The following MPP7 variants were observed in gnomAD, a reference collection of about 807,000 sequenced individuals.
MPP7 encodes the protein MAGUK p55 subfamily member 7.
Under a neutral mutation model 76.5 loss-of-function variants are expected in MPP7, and 60 were observed. The ratio of observed to expected loss-of-function variants is 0.78; its 90% CI spans 0.64 to 0.97. The LOEUF is 0.97. MPP7 is among the 50% of genes least tolerant of loss of function. The probability of loss-of-function intolerance (pLI) is 0.00; values close to 1 mark genes in which losing one functional copy is unlikely to be tolerated. For synonymous variants in MPP7, 237 were observed against 244.5 expected (o/e 0.97, Z 0.29); for missense variants, 641 against 694.0 (o/e 0.92, Z 0.86).
At chr10:28,069,903 C>G in intron 12 of MPP7, 51 bp from the exon 13 acceptor site, 1 of 1,377,136 alleles carries the variant, frequency 7.3e-7, no homozygotes. Context: ...ACCACATAAA[C>G]ATTTCTGTAA....
chr10:28,194,801 T>C (rs1336071677), intron 3 of MPP7, among the ~76,000 whole-genome samples: 1 of 152,186 alleles, frequency 6.6e-6, no homozygotes, highest in East Asian at 1.9e-4. Flanking sequence ...CAAGACATAA[T>C]GCATTTGTCA....
intron 1 of MPP7, among the ~76,000 whole-genome samples, chr10:28,262,193 A>ATATATATATACG (rs1384180099): frequency 1.0e-4 from 2 of 19,588 alleles, no homozygotes; most frequent in Non-Finnish European, 2.5e-4. Flanking sequence ...AATTATATAT[A>ATATATATATACG]TATATATATA....
At chr10:28,216,275 C>T (rs1838307179) in intron 2 of MPP7, among the ~76,000 whole-genome samples, 1 of 151,902 alleles carries the variant, frequency 6.6e-6, no homozygotes, top group Admixed American at 6.6e-5. Flanking sequence ...AAGGTGGTGC[C>T]ACTGCACTCC....
chr10:28,204,785 A>G (rs898434914), intron 2 of MPP7, among the ~76,000 whole-genome samples: 1 of 152,230 alleles, frequency 6.6e-6, no homozygotes, highest in African/African-American at 2.4e-5. Context: ...GTTGCTTAAC[A>G]TGTCTTCTTC....
intron 3 of MPP7, among the ~76,000 whole-genome samples, chr10:28,153,435 G>A (rs1032018362): frequency 4.6e-5 from 7 of 151,988 alleles, no homozygotes; most frequent in African/African-American, 1.7e-4. Context: ...CTAAAAGTCA[G>A]GACACGCTAA....
chr10:28,283,484 C>T (rs1840727205), intron 1 of MPP7, among the ~76,000 whole-genome samples: 1 of 151,980 alleles, frequency 6.6e-6, no homozygotes, highest in Non-Finnish European at 1.5e-5. Flanking sequence ...TCTGTAAACA[C>T]CAAGTTCATA....
At chr10:28,068,202 G>C (rs1331613898) in intron 13 of MPP7, among the ~76,000 whole-genome samples, 1 of 151,504 alleles carries the variant, frequency 6.6e-6, no homozygotes, top group African/African-American at 2.4e-5. Flanking sequence ...ATAATTACAG[G>C]CAAAAAAAAT....
Position 28,147,570 on chromosome 10 carries a change from C to T in MPP7, c.235-7G>A, listed in dbSNP as rs773688392. On this transcript the variant is annotated splice_region_variant and splice_polypyrimidine_tract_variant and intron_variant, in intron 4 of 16. Coordinates refer to ENST00000683449, the MANE Select transcript of MPP7 (RefSeq NM_001318170.2). ...TCTGAAGCTCTTCGGCCAGCTGCAA[C>T]GGAGATTACATTGACTTAAAGAACA... 24 of 1,613,212 alleles carry T rather than the reference C, an allele frequency of 1.5e-5. No homozygotes were observed. Among genetic ancestry groups the T allele is most frequent in the African/African-American group, 9.3e-5 (7 of 74,878 alleles).
intron 1 of MPP7, among the ~76,000 whole-genome samples, chr10:28,299,068 G>A (rs1841093981): frequency 6.6e-6 from 1 of 152,182 alleles, no homozygotes; most frequent in African/African-American, 2.4e-5. Flanking sequence ...TTAGCAATAA[G>A]GCTGTTTCAC....
Position 28,217,547 on chromosome 10 carries a change from G to GAAAAT in MPP7, c.38-15277_38-15276insATTTT, listed in dbSNP as rs1838354940. ...GTCTCAAAAAAAAAAAAAAAGAAAA[G>GAAAAT]AAAAGAAAAGAAAAGAAAAACTGCA... On this transcript the variant is annotated intron_variant, in intron 2 of 16. Transcript: ENST00000683449. 6.2e-5 allele frequency among the ~76,000 whole-genome samples: 9 copies of GAAAAT among 144,592 alleles called. No individual in the cohort carries two copies. The South Asian group carries it at 1.9e-3, about 31-fold the overall frequency. 94.9% of individuals were successfully genotyped at this position (144,592 alleles called of 152,430 possible). A position where few individuals can be genotyped will look rare whatever the true frequency, so the allele number is the denominator to read the frequency against.
intron 2 of MPP7, among the ~76,000 whole-genome samples, chr10:28,204,742 T>C (rs1435812295): frequency 6.6e-6 from 1 of 152,216 alleles, no homozygotes. Flanking sequence ...ATGGCAGCAT[T>C]TAGCCCTGTG....
intron 1 of MPP7, among the ~76,000 whole-genome samples, chr10:28,256,846 T>C (rs1329405526): frequency 2.0e-5 from 3 of 152,222 alleles, no homozygotes; most frequent in Non-Finnish European, 4.4e-5. Context: ...CATTAGACTA[T>C]AAATTCCTTA....
At chr10:28,188,111 CTAAAT>C (rs1837295089) in intron 3 of MPP7, among the ~76,000 whole-genome samples, 1 of 152,080 alleles carries the variant, frequency 6.6e-6, no homozygotes, top group South Asian at 2.1e-4. Flanking sequence ...AGAATTCAAC[CTAAAT>C]TCATGAGCAT....
chr10:28,181,829 T>C (rs2133909439), intron 3 of MPP7, among the ~76,000 whole-genome samples: 1 of 152,228 alleles, frequency 6.6e-6, no homozygotes, highest in African/African-American at 2.4e-5. Flanking sequence ...ATTAGATCAG[T>C]TCAAACAGTC....
At chr10:28,332,450 G>A (rs1040729765) in intron 1 of MPP7, among the ~76,000 whole-genome samples, 2 of 152,088 alleles carry the variant, frequency 1.3e-5, no homozygotes, top group African/African-American at 4.8e-5. Context: ...ACAGTTGGCA[G>A]TTTACACACA....
intron 2 of MPP7, among the ~76,000 whole-genome samples, chr10:28,311,237 T>C (rs1241172994): frequency 6.6e-6 from 1 of 152,222 alleles, no homozygotes; most frequent in African/African-American, 2.4e-5. Flanking sequence ...TGATTTTCCA[T>C]GTGGTTTGCA....
intron 1 of MPP7, among the ~76,000 whole-genome samples, chr10:28,255,316 G>A (rs906462085): frequency 3.3e-5 from 5 of 152,092 alleles, no homozygotes; most frequent in Non-Finnish European, 5.9e-5. Flanking sequence ...GTTTCACCAT[G>A]TTGGCTAGGC....
At chr10:28,228,755 C>T (rs553038207) in intron 2 of MPP7, among the ~76,000 whole-genome samples, 3 of 150,840 alleles carry the variant, frequency 2.0e-5, no homozygotes, top group African/African-American at 7.3e-5. Context: ...AGTGAGACTC[C>T]ATCTCAAAAA....
chr10:28,190,127 C>T (rs565220768), intron 3 of MPP7, among the ~76,000 whole-genome samples: 1 of 152,184 alleles, frequency 6.6e-6, no homozygotes, highest in South Asian at 2.1e-4. Context: ...GAAGACATAA[C>T]AATCCTAAAT....
Sources: gnomAD v4.1 joint callset for allele counts (sites outside exome capture counted in the v4.1 genomes callset) on GRCh38, gnomAD v4.1.1 for gene constraint, MANE v1.5 for transcripts, NCBI Gene and HGNC (gene_info 2026-07-23, HGNC 2026-07-21) for gene names.